Variants in MAPK10 observed in about 807,000 individuals in gnomAD.
MAPK10 encodes mitogen-activated protein kinase 10.
MAPK10 carries 25 observed loss-of-function variants against 59.3 expected under a neutral mutation model. The ratio of observed to expected loss-of-function variants is 0.42; its 90% CI spans 0.31 to 0.59. The LOEUF (loss-of-function observed/expected upper bound fraction) is 0.59. MAPK10 is among the 20% of genes least tolerant of loss of function. MAPK10 has a pLI of 0.15. For synonymous variants in MAPK10, 190 were observed against 200.5 expected (o/e 0.95, Z 0.44); for missense variants, 351 against 568.9 (o/e 0.62, Z 3.90).
chr4:86,561,829 A>C (rs1308655972), intron 1 of MAPK10, among the ~76,000 whole-genome samples: 1 of 152,188 alleles, frequency 6.6e-6, no homozygotes, highest in Non-Finnish European at 1.5e-5. Context: ...CAGACAATCT[A>C]GTTGGAAGAA....
chr4:86,157,972 C>T (rs901699258), intron 4 of MAPK10, among the ~76,000 whole-genome samples: 11 of 151,858 alleles, frequency 7.2e-5, no homozygotes, highest in African/African-American at 2.4e-4. Context: ...GTCAGGAAAA[C>T]TTTCTCATGT....
At chr4:86,508,436 C>G (rs981484676) in intron 1 of MAPK10, among the ~76,000 whole-genome samples, 4 of 152,136 alleles carry the variant, frequency 2.6e-5, no homozygotes, top group East Asian at 3.8e-4. Flanking sequence ...TTATTTCTGG[C>G]GAGCCCTTTC....
chr4:86,274,306 G>GT (rs2094512257), intron 2 of MAPK10, among the ~76,000 whole-genome samples: 2 of 151,996 alleles, frequency 1.3e-5, no homozygotes, highest in Middle Eastern at 3.4e-3. Context: ...ATTTGTGTGA[G>GT]TTTTTTTCCA....
chr4:86,265,129 C>T (rs1200883209), intron 2 of MAPK10, among the ~76,000 whole-genome samples: 9 of 151,822 alleles, frequency 5.9e-5, no homozygotes, highest in African/African-American at 1.9e-4. Context: ...GACCTCGTGA[C>T]GTACCTGCCT....
At chr4:86,207,639 G>T (rs1022635442) in intron 2 of MAPK10, among the ~76,000 whole-genome samples, 1 of 152,122 alleles carries the variant, frequency 6.6e-6, no homozygotes, top group African/African-American at 2.4e-5. Context: ...ACCTTGGGCA[G>T]TGTGGCCATT....
At position 86,359,924 on chromosome 4, in the gene MAPK10, C is replaced by T; in HGVS notation, c.-388G>A. 1.0e-6 allele frequency: 1 copy of T among 985,628 alleles called. No individual in the cohort carries two copies. The highest frequency in any genetic ancestry group is 1.2e-6 in the Non-Finnish European group (1 of 829,924). The allele number at this position is 985,628 out of a possible 1,614,324, so 61.1% of individuals were successfully genotyped here. On this transcript the variant is annotated 5_prime_UTR_variant, in exon 1 of 14. Coordinates refer to ENST00000641462, the MANE Select transcript of MAPK10 (RefSeq NM_138982.4). ...AAGAAAAAGGTAAGCATATAGCAAG[C>T]ACCACCCACCCCCATAAAAATAAAA...
Position 86,423,760 on chromosome 4 carries a change from G to GATATATATATATATATATAT in MAPK10, c.-122+29269_-122+29270insATATATATATATATATATAT, listed in dbSNP as rs772650050. ...AGGGCTGCATATAAGTAATTAGTGG[G>GATATATATATATATATATAT]ATATATATACATATATATATATATA... On this transcript the variant is annotated intron_variant, in intron 1 of 13. Transcript: ENST00000361569. Among the ~76,000 whole-genome samples the GATATATATATATATATATAT allele has an allele frequency of 3.4e-3, 395 of 116,966 alleles. 13 individuals are homozygous for GATATATATATATATATATAT. The highest frequency in any genetic ancestry group is 3.7e-3 in the Non-Finnish European group (210 of 57,256). The allele number at this position is 116,966 out of a possible 152,430, so 76.7% of individuals were successfully genotyped here.
intron 1 of MAPK10, among the ~76,000 whole-genome samples, chr4:86,413,371 C>T (rs539535887): frequency 7.9e-5 from 12 of 152,314 alleles, no homozygotes; most frequent in East Asian, 5.8e-4. Context: ...GCCAGGGACC[C>T]GCTTGAGGAG....
chr4:86,462,164 C>T (rs1417024853), intron 1 of MAPK10, among the ~76,000 whole-genome samples: 1 of 152,200 alleles, frequency 6.6e-6, no homozygotes, highest in Non-Finnish European at 1.5e-5. Context: ...GGAACCCCCA[C>T]AAAAGGTCCC....
intron 3 of MAPK10, 66 bp from the exon 4 acceptor site, chr4:86,159,533 A>G: frequency 7.4e-7 from 1 of 1,347,522 alleles, no homozygotes; most frequent in Non-Finnish European, 1.0e-6. Context: ...TGAGATGTAC[A>G]GAAACTTGTT....
At chr4:86,133,300 A>G (rs2061344699) in intron 4 of MAPK10, among the ~76,000 whole-genome samples, 1 of 152,234 alleles carries the variant, frequency 6.6e-6, no homozygotes, top group Admixed American at 6.5e-5. Flanking sequence ...GAGAGCTGAA[A>G]AATAAAGTAT....
chr4:86,141,524 T>C (rs967364732), intron 4 of MAPK10, among the ~76,000 whole-genome samples: 6 of 152,210 alleles, frequency 3.9e-5, no homozygotes, highest in Non-Finnish European at 5.9e-5. Context: ...CTATCAGTTA[T>C]AGAATGCAAG....
chr4:86,581,364 A>G (rs1012556202), intron 1 of MAPK10, among the ~76,000 whole-genome samples: 37 of 152,308 alleles, frequency 2.4e-4, no homozygotes, highest in African/African-American at 8.4e-4. Flanking sequence ...TTCAATATCT[A>G]TTGAATAACT....
intron 3 of MAPK10, among the ~76,000 whole-genome samples, chr4:86,166,077 A>T (rs1331030864): frequency 6.6e-6 from 1 of 152,184 alleles, no homozygotes; most frequent in East Asian, 1.9e-4. Flanking sequence ...TTTACATACG[A>T]AGGTGGGGAA....
intron 2 of MAPK10, among the ~76,000 whole-genome samples, chr4:86,240,362 G>T (rs953089394): frequency 6.6e-6 from 1 of 152,166 alleles, no homozygotes; most frequent in Non-Finnish European, 1.5e-5. Context: ...TATCTACTAG[G>T]TCCACTTGGT....
chr4:86,449,924 G>A (rs1750508244), intron 1 of MAPK10, among the ~76,000 whole-genome samples: 1 of 152,178 alleles, frequency 6.6e-6, no homozygotes, highest in African/African-American at 2.4e-5. Context: ...GAAGACTTCA[G>A]TTCTATAACC....
At chr4:86,549,574 G>T (rs1417480731) in intron 1 of MAPK10, among the ~76,000 whole-genome samples, 2 of 152,238 alleles carry the variant, frequency 1.3e-5, no homozygotes. Context: ...CAGTGAGTGA[G>T]TGGTGACTAA....
In MAPK10 at chr4:86,205,205, A is replaced by G. The variant is rs138256470; in HGVS notation, c.-6-10798T>C. 7.3e-3 allele frequency among the ~76,000 whole-genome samples: 1,109 copies of G among 152,174 alleles called. 20 individuals are homozygous for G. The highest frequency in any genetic ancestry group is 0.026 in the African/African-American group (1,077 of 41,562). ...AAGAGAGCTAGTATCTTATATTAAC[A>G]AAATAGCCTTTAAGGCAAAAAGTAT... On this transcript the variant is annotated intron_variant, in intron 2 of 13. Coordinates refer to ENST00000641462, the MANE Select transcript of MAPK10 (RefSeq NM_138982.4).
chr4:86,203,530 AATT>A (rs1199270102), intron 2 of MAPK10, among the ~76,000 whole-genome samples: 33 of 151,592 alleles, frequency 2.2e-4, no homozygotes, highest in African/African-American at 7.7e-4. Flanking sequence ...ATGAACTACT[AATT>A]ATTTAAAAAA....
Sources: gnomAD v4.1 joint callset for allele counts (sites outside exome capture counted in the v4.1 genomes callset) on GRCh38, gnomAD v4.1.1 for gene constraint, MANE v1.5 for transcripts, NCBI Gene and HGNC (gene_info 2026-07-23, HGNC 2026-07-21) for gene names.